MON2: variants seen among roughly 807,000 people sequenced by gnomAD.
MON2 encodes the protein MON2 regulator of endosome-to-Golgi trafficking, also known as protein MON2 homolog.
In MON2, 84 loss-of-function variants were observed where a neutral mutation model predicts 208.6. The observed-to-expected ratio is 0.40, with a 90% CI of 0.34 to 0.48. The LOEUF is 0.48. Ranked by LOEUF, MON2 falls within the 20% of genes least tolerant of loss-of-function variation. The pLI is 0.59. For missense variants in MON2, 1,611 were observed against 2,015.4 expected (o/e 0.80, Z 3.84); for synonymous variants, 660 against 694.0 (o/e 0.95, Z 0.77).
At chr12:62,562,749 A>C (rs987689775) in intron 26 of MON2, among the ~76,000 whole-genome samples, 2 of 152,128 alleles carry the variant, frequency 1.3e-5, no homozygotes, top group African/African-American at 4.8e-5. Flanking sequence ...TTTCTTTCCT[A>C]AGAGATAAAC....
rs2074548840 is a variant in MON2 at position 62,570,427 on chromosome 12, A to G, written c.4324-965A>G. Among the ~76,000 whole-genome samples the G allele has an allele frequency of 3.3e-5, 5 of 152,274 alleles. No individual in the cohort carries two copies. The South Asian group carries it at 1.0e-3, about 32-fold the overall frequency. ...GAACATACAACTTCAAAGTATTGAC[A>G]TTTTATGTTGTGTTTACTCTTCCCT... On this transcript the variant is annotated intron_variant, in intron 29 of 34. Transcript: ENST00000393630.
chr12:62,528,623 T>G (rs2072460202), intron 11 of MON2, among the ~76,000 whole-genome samples: 1 of 152,214 alleles, frequency 6.6e-6, no homozygotes, highest in African/African-American at 2.4e-5. Context: ...TTCTAGTGCT[T>G]AAAGTCTGTG....
chr12:62,532,725 CA>C, intron 12 of MON2, 55 bp downstream of exon 12: 1 of 1,377,564 alleles, frequency 7.3e-7, no homozygotes, highest in Non-Finnish European at 1.0e-6. Flanking sequence ...TTACAATTTG[CA>C]AAAATTGTAG....
rs559638403 is a variant in MON2, at chr12:62,572,331, G to A, written c.4514+749G>A. On this transcript the variant is annotated intron_variant, in intron 30 of 34. Transcript: ENST00000393630. ...TTCCATCATCACAGAAAGTTGTGTT[G>A]GGCAGGACAGATTTAAAGCGTGCCC... 4.6e-5 allele frequency among the ~76,000 whole-genome samples: 7 copies of A among 152,342 alleles called. No individual in the cohort carries two copies. In the South Asian group the frequency reaches 1.2e-3, roughly 27 times the overall value.
chr12:62,526,924 C>T (rs372291524), intron 11 of MON2, among the ~76,000 whole-genome samples: 3 of 152,050 alleles, frequency 2.0e-5, no homozygotes, highest in African/African-American at 4.8e-5. Context: ...GTCAGGAGTT[C>T]GAGACCAGTC....
intron 7 of MON2, among the ~76,000 whole-genome samples, chr12:62,507,308 T>A (rs2071156452): frequency 6.7e-6 from 1 of 149,048 alleles, no homozygotes; most frequent in Non-Finnish European, 1.5e-5. Flanking sequence ...TTTTTCTTTT[T>A]CTTTTTCTTT....
At chr12:62,510,376 A>C (rs2071332305) in intron 8 of MON2, among the ~76,000 whole-genome samples, 1 of 152,208 alleles carries the variant, frequency 6.6e-6, no homozygotes, top group African/African-American at 2.4e-5. Flanking sequence ...ATTGATTAAA[A>C]AAATTCTCAA....
At chr12:62,543,051 C>A in intron 19 of MON2, 46 bp from the exon 20 acceptor site, 1 of 1,046,408 alleles carries the variant, frequency 9.6e-7, no homozygotes, top group South Asian at 1.6e-5. Flanking sequence ...TCTAATTACT[C>A]AGAATTCTCC....
chr12:62,515,970 A>G (rs888779238), intron 8 of MON2, among the ~76,000 whole-genome samples: 2 of 152,212 alleles, frequency 1.3e-5, no homozygotes, highest in East Asian at 1.9e-4. Flanking sequence ...CTGCACTCCC[A>G]TGTTTATTGC....
At chr12:62,476,022 G>GAA (rs2069055422) in intron 1 of MON2, among the ~76,000 whole-genome samples, 1 of 149,014 alleles carries the variant, frequency 6.7e-6, no homozygotes, top group Non-Finnish European at 1.5e-5. Context: ...AAAAAGAAAA[G>GAA]AAAAGGAAGG....
chr12:62,515,803 A>G (rs2071654733), intron 8 of MON2, among the ~76,000 whole-genome samples: 1 of 152,094 alleles, frequency 6.6e-6, no homozygotes, highest in Non-Finnish European at 1.5e-5. Flanking sequence ...TGACAAGAGC[A>G]AGACTCCGTC....
At position 62,477,581 on chromosome 12, in the gene MON2, AT is replaced by A. The variant is rs541530436; in HGVS notation, c.112-6571del. 8.8e-3 allele frequency among the ~76,000 whole-genome samples: 1,129 copies of A among 128,428 alleles called. 7 individuals are homozygous for A. Among genetic ancestry groups the A allele is most frequent in the African/African-American group, 0.02 (715 of 36,098 alleles). 84.3% of individuals were successfully genotyped at this position (128,428 alleles called of 152,430 possible). A position where few individuals can be genotyped will look rare whatever the true frequency, so the allele number is the denominator to read the frequency against. On this transcript the variant is annotated intron_variant, in intron 1 of 34. Transcript: ENST00000393630. ...AGGCTCACACCACCACGTTTGCCTA[AT>A]TTTTTTTTTTTTTTTTTAGAGACAG... is the stretch of plus-strand genomic sequence containing the variant.
At chr12:62,497,304 T>TA (rs1273465527) in intron 4 of MON2, among the ~76,000 whole-genome samples, 4 of 151,934 alleles carry the variant, frequency 2.6e-5, no homozygotes, top group Non-Finnish European at 4.4e-5. Flanking sequence ...CCCTAAAACT[T>TA]AAAGTATAAT....
intron 22 of MON2, among the ~76,000 whole-genome samples, chr12:62,547,645 G>A (rs2073548303): frequency 6.6e-6 from 1 of 152,204 alleles, no homozygotes; most frequent in South Asian, 2.1e-4. Flanking sequence ...TAGTGAGAAA[G>A]TATAGTTATA....
Position 62,597,064 on chromosome 12 carries a change from G to A in MON2, c.*4315G>A, listed in dbSNP as rs2075541429. ...TCTAAACAGAGATGATGATCAATGA[G>A]TTACTAATTCTTTAGAGGAAAAAAT... On this transcript the variant is annotated 3_prime_UTR_variant, in exon 35 of 35. Transcript: ENST00000393630. 1 of 152,130 alleles carries A rather than the reference G, an allele frequency of 6.6e-6. No individual in the cohort carries two copies. The highest frequency in any genetic ancestry group is 1.9e-4 in the East Asian group (1 of 5,188). The allele number at this position is 152,130 out of a possible 1,614,324, so 9.4% of individuals were successfully genotyped here. A position where few individuals can be genotyped will look rare whatever the true frequency, so the allele number is the denominator to read the frequency against.
intron 34 of MON2, among the ~76,000 whole-genome samples, chr12:62,589,758 A>G (rs2075335091): frequency 6.6e-6 from 1 of 151,808 alleles, no homozygotes; most frequent in African/African-American, 2.4e-5. Flanking sequence ...AAAAAAAAAA[A>G]AAAAAAAGAA....
Position 62,532,556 on chromosome 12 carries a change from C to T in MON2, c.1519C>T (p.Leu507=). The T allele has an allele frequency of 6.2e-7, 1 of 1,613,928 alleles. No homozygotes were observed. The highest frequency in any genetic ancestry group is 8.5e-7 in the Non-Finnish European group (1 of 1,179,892). The change falls in exon 12 of 35, where the codon CTA becomes TTA. Residue 507 remains leucine (L), a synonymous_variant. Transcript: ENST00000393630. ...RGITSMIEGE[L]GELETECQTT... ...AATCACAAGTATGATTGAAGGAGAGCTAGGAGAGCTTGAAACAGAATGTCA... is the reference window on the plus strand; with the variant it reads ...AATCACAAGTATGATTGAAGGAGAGTTAGGAGAGCTTGAAACAGAATGTCA...
intron 16 of MON2, 89 bp from the exon 17 acceptor site, chr12:62,538,007 C>A: frequency 8.5e-7 from 1 of 1,182,834 alleles, no homozygotes; most frequent in African/African-American, 1.6e-5. Flanking sequence ...ATTTTGGTTG[C>A]TAGAAGTTAC....
At chr12:62,484,539 C>T (rs2069645197) in intron 2 of MON2, among the ~76,000 whole-genome samples, 2 of 152,188 alleles carry the variant, frequency 1.3e-5, no homozygotes, top group African/African-American at 2.4e-5. Flanking sequence ...ACCTGAGACA[C>T]ACCATAAAAA....
Sources: gnomAD v4.1 joint callset for allele counts (sites outside exome capture counted in the v4.1 genomes callset) on GRCh38, gnomAD v4.1.1 for gene constraint, MANE v1.5 for transcripts, NCBI Gene and HGNC (gene_info 2026-07-23, HGNC 2026-07-21) for gene names.